Variants in PNPO observed in about 807,000 individuals in gnomAD.
PNPO encodes the protein pyridoxine-5'-phosphate oxidase.
In PNPO, 39 loss-of-function variants were observed where a neutral mutation model predicts 35.0. The ratio of observed to expected loss-of-function variants is 1.11; its 90% CI spans 0.86 to 1.45. PNPO has a LOEUF of 1.45. Ranked by LOEUF, PNPO falls within the 40% of genes most tolerant of loss-of-function variation. The probability of loss-of-function intolerance (pLI) is 0.00; values close to 1 mark genes in which losing one functional copy is unlikely to be tolerated. For missense variants in PNPO, 288 were observed against 340.0 expected, an observed-to-expected ratio of 0.85 and a Z score of 1.20; for synonymous variants, 115 against 119.8, an observed-to-expected ratio of 0.96 and a Z score of 0.26.
intron 1 of PNPO, 98 bp downstream of exon 1, chr17:47,941,911 C>G: frequency 7.1e-7 from 1 of 1,405,170 alleles, no homozygotes; most frequent in African/African-American, 1.4e-5. Flanking sequence ...CCCCTCGGGG[C>G]TTCTGGGGCC....
intron 5 of PNPO, 42 bp downstream of exon 5, chr17:47,946,031 T>C: frequency 6.2e-7 from 1 of 1,611,006 alleles, no homozygotes. Context: ...GGTGGAGGCT[T>C]TGGCTTATCC....
Position 47,941,673 on chromosome 17 carries a change from C to G in PNPO, c.-3C>G, listed in dbSNP as rs1235384341. Reference sequence around the variant, plus strand: ...AGCCGGGTCACGTGGCCGGCGGCCCCCCATGACGTGCTGGCTGCGGGGCGT... The same window carrying G: ...AGCCGGGTCACGTGGCCGGCGGCCCGCCATGACGTGCTGGCTGCGGGGCGT... On this transcript the variant is annotated 5_prime_UTR_variant, in exon 1 of 7. Coordinates refer to ENST00000642017, the MANE Select transcript of PNPO (RefSeq NM_018129.4). The G allele has an allele frequency of 6.5e-7, 1 of 1,533,036 alleles. No homozygotes were observed. The highest frequency in any genetic ancestry group is 2.5e-5 in the East Asian group (1 of 40,434). 95.0% of individuals were successfully genotyped at this position (1,533,036 alleles called of 1,614,324 possible).
chr17:47,944,803 C>T, intron 3 of PNPO, 88 bp downstream of exon 3: 1 of 1,013,926 alleles, frequency 9.9e-7, no homozygotes, highest in Non-Finnish European at 1.6e-6. Flanking sequence ...ACCCCACCCC[C>T]CCAGTCTACT....
At chr17:47,946,019 G>A in intron 5 of PNPO, 30 bp downstream of exon 5, 1 of 1,612,246 alleles carries the variant, frequency 6.2e-7, no homozygotes, top group Non-Finnish European at 8.5e-7. Context: ...AGTCCTCCAG[G>A]TGGTGGAGGC....
chr17:47,943,604 A>G (rs2035971629), intron 2 of PNPO, among the ~76,000 whole-genome samples, 174 bp downstream of exon 2: 1 of 152,206 alleles, frequency 6.6e-6, no homozygotes, highest in African/African-American at 2.4e-5. Flanking sequence ...TAAACCAAAG[A>G]CCAGGCCACA....
In PNPO at chr17:47,945,458, CT is replaced by C. The variant is rs61165779; in HGVS notation, c.364-100del. On this transcript the variant is annotated intron_variant, in intron 3 of 6. Transcript: ENST00000642017. This position sits in a 1 kb window ranked among gnomAD's most constrained non-coding sequence, Gnocchi z 4.0. ...TGAGCTCTTACGGTGGGTGCATCTGCTGTGGGCCTGCGCACTACAGCTCTCC... is the reference window on the plus strand; with the variant it reads ...TGAGCTCTTACGGTGGGTGCATCTGCGTGGGCCTGCGCACTACAGCTCTCC... The C allele has an allele frequency of 5.7e-3, 5,077 of 883,100 alleles. 29 individuals carry two copies. Among genetic ancestry groups the C allele is most frequent in the Middle Eastern group, 9.9e-3 (46 of 4,650 alleles). 54.7% of individuals were successfully genotyped at this position (883,100 alleles called of 1,614,324 possible).
In PNPO at chr17:47,947,696, T is replaced by C. The variant is rs949998847; in HGVS notation, c.*914T>C. ...GGCACACGCCACCACACCCAACTAA[T>C]TTTTGTATTTTTAGTAGAGATGGGG... On this transcript the variant is annotated 3_prime_UTR_variant, in exon 7 of 7. Coordinates refer to ENST00000642017, the MANE Select transcript of PNPO (RefSeq NM_018129.4). 1 of 151,964 alleles carries C rather than the reference T, an allele frequency of 6.6e-6. No homozygotes were observed. Among genetic ancestry groups the C allele is most frequent in the Non-Finnish European group, 1.5e-5 (1 of 68,010 alleles). 9.4% of individuals were successfully genotyped at this position (151,964 alleles called of 1,614,324 possible).
chr17:47,942,167 T>C (rs1471239398), intron 1 of PNPO: 2 of 498,754 alleles, frequency 4.0e-6, no homozygotes, highest in Non-Finnish European at 5.6e-6. Context: ...TGGTCTAAGA[T>C]GTTTGTAAAG....
rs998099969 is a variant in PNPO, at chr17:47,945,950, T to C, written c.507T>C (p.Ala169=). Residue 169 remains alanine (A), a synonymous_variant, in exon 5 of 7, where the codon GCT becomes GCC. Transcript: ENST00000642017. The surrounding 1 kb of genome is among the most constrained non-coding windows in gnomAD (Gnocchi z 4.0). The part of the protein sequence containing the change: ...HSRPKSSQIG[A]VVSHQSSVIP... ...GCCCCAAGAGCAGCCAGATTGGGGC[T>C]GTGGTCAGCCACCAGAGTTCTGTGA... is the stretch of plus-strand genomic sequence containing the variant. The C allele has an allele frequency of 1.2e-6, 2 of 1,613,944 alleles. No individual in the cohort carries two copies. Among genetic ancestry groups the C allele is most frequent in the Non-Finnish European group, 1.7e-6 (2 of 1,180,044 alleles).
At chr17:47,944,307 G>T (rs1359472866) in intron 2 of PNPO, among the ~76,000 whole-genome samples, 6 of 151,686 alleles carry the variant, frequency 4.0e-5, no homozygotes, top group Admixed American at 3.9e-4. Context: ...CTGGATTAGG[G>T]CCCCACCCCT....
Position 47,941,585 on chromosome 17 carries a change from C to T in PNPO, c.-91C>T. 1.4e-6 allele frequency: 2 copies of T among 1,421,004 alleles called. No individual in the cohort carries two copies. Among genetic ancestry groups the T allele is most frequent in the South Asian group, 2.9e-5 (2 of 69,042 alleles). The allele number at this position is 1,421,004 out of a possible 1,614,324, so 88.0% of individuals were successfully genotyped here. On this transcript the variant is annotated 5_prime_UTR_variant, in exon 1 of 7. Transcript: ENST00000642017. The stretch of plus-strand genomic sequence containing the variant: ...GGGCGACTGGCAAATCCTTCCTTCC[C>T]CGGGGTAGAAGTCCAGGGTGAGAAA...
intron 2 of PNPO, 74 bp downstream of exon 2, chr17:47,943,504 A>G: frequency 6.4e-7 from 1 of 1,572,974 alleles, no homozygotes; most frequent in Non-Finnish European, 8.7e-7. Flanking sequence ...TCTACTCTGG[A>G]TGCCAATTTT....
Position 47,945,874 on chromosome 17 carries a change from G to T in PNPO, c.431G>T (p.Gly144Val), listed in dbSNP as rs762554901. Residue 144 changes from glycine (G) to valine (V), a missense_variant, in exon 5 of 7, where the codon GGC becomes GTC. By Grantham distance (109) the Gly-to-Val change is moderately radical. Coordinates refer to ENST00000642017, the MANE Select transcript of PNPO (RefSeq NM_018129.4). The surrounding 1 kb of genome is among the most constrained non-coding windows in gnomAD (Gnocchi z 4.0). ...ATCCCTGAGCAGGTGCGTGTGGAAG[G>T]CCCTGTGAAGAAACTGCCTGAGGAG... ...EPLNRQVRVE[G>V]PVKKLPEEEA... 6.2e-7 allele frequency: 1 copy of T among 1,613,638 alleles called. No homozygotes were observed. The highest frequency in any genetic ancestry group is 8.5e-7 in the Non-Finnish European group (1 of 1,179,996).
Position 47,947,581 on chromosome 17 carries a change from T to A in PNPO, c.*799T>A, listed in dbSNP as rs1168554246. 1 of 149,726 alleles carries A rather than the reference T, an allele frequency of 6.7e-6. No individual in the cohort carries two copies. Among genetic ancestry groups the A allele is most frequent in the Non-Finnish European group, 1.5e-5 (1 of 67,694 alleles). The allele number at this position is 149,726 out of a possible 1,614,324, so 9.3% of individuals were successfully genotyped here. On this transcript the variant is annotated 3_prime_UTR_variant, in exon 7 of 7. Transcript: ENST00000642017. ...TCTCACTCTGTCACCCAGGCTGGAG[T>A]GCAGTGGTGTGATCTTGGCTCACTG...
rs1466166866 is a variant in PNPO at position 47,948,218 on chromosome 17, CTGTG to C, written c.*1440_*1443del. ...TACTATCTATGTTTTTTTATGGAAA[CTGTG>C]TGTATGTATACATACATTTTCCAAA... On this transcript the variant is annotated 3_prime_UTR_variant, in exon 7 of 7. Transcript: ENST00000642017. 1 of 152,088 alleles carries C rather than the reference CTGTG, an allele frequency of 6.6e-6. No individual in the cohort carries two copies. The highest frequency in any genetic ancestry group is 1.5e-5 in the Non-Finnish European group (1 of 68,018). The allele number at this position is 152,088 out of a possible 1,614,324, so 9.4% of individuals were successfully genotyped here.
At chr17:47,946,425 G>C (rs764478158) in intron 6 of PNPO, 32 bp downstream of exon 6, 2 of 1,540,040 alleles carry the variant, frequency 1.3e-6, no homozygotes, top group Non-Finnish European at 1.8e-6. Flanking sequence ...TCTAGAAAGG[G>C]ACACCAGGCC....
intron 2 of PNPO, among the ~76,000 whole-genome samples, chr17:47,944,200 CGTGTGT>C (rs3047638): frequency 2.5e-4 from 36 of 142,244 alleles, no homozygotes; most frequent in Middle Eastern, 3.5e-3. Flanking sequence ...CACTGCCTTT[CGTGTGT>C]GTGTGTGTGT....
Position 47,948,053 on chromosome 17 carries a change from T to C in PNPO, c.*1271T>C, listed in dbSNP as rs1423619004. 6.6e-6 allele frequency: 1 copy of C among 152,262 alleles called. No individual in the cohort carries two copies. The highest frequency in any genetic ancestry group is 1.5e-5 in the Non-Finnish European group (1 of 68,020). The allele number at this position is 152,262 out of a possible 1,614,324, so 9.4% of individuals were successfully genotyped here. On this transcript the variant is annotated 3_prime_UTR_variant, in exon 7 of 7. Transcript: ENST00000642017. ...CAGGGAAGCAGGTTTCATCTCAATATTGGGAGAGATTTCAAACAATCACAC... is the reference window on the plus strand; with the variant it reads ...CAGGGAAGCAGGTTTCATCTCAATACTGGGAGAGATTTCAAACAATCACAC...
chr17:47,946,029 C>A (rs201956072), intron 5 of PNPO, 40 bp downstream of exon 5: 6 of 1,610,496 alleles, frequency 3.7e-6, no homozygotes, highest in Non-Finnish European at 5.1e-6. Flanking sequence ...GTGGTGGAGG[C>A]TTTGGCTTAT....
Sources: gnomAD v4.1 joint callset for allele counts (sites outside exome capture counted in the v4.1 genomes callset) on GRCh38, gnomAD v4.1.1 for gene constraint, Gnocchi (gnomAD v3.1) non-coding constraint, MANE v1.5 for transcripts, NCBI Gene and HGNC (gene_info 2026-07-23, HGNC 2026-07-21) for gene names.